Variants in AGMO observed in about 807,000 individuals in gnomAD.
AGMO encodes the protein alkylglycerol monooxygenase.
In AGMO, 75 loss-of-function variants were observed where a neutral mutation model predicts 60.2. The ratio of observed to expected loss-of-function variants is 1.25; its 90% CI spans 1.03 to 1.51. The LOEUF is 1.51. Among genes scored for constraint, AGMO ranks in the 40% most tolerant of loss-of-function variants. The pLI, the probability that AGMO is intolerant of heterozygous loss-of-function variation, is 0.00. For missense variants in AGMO, 763 were observed against 525.5 expected, an observed-to-expected ratio of 1.45 and a Z score of -4.42; for synonymous variants, 261 against 177.1, an observed-to-expected ratio of 1.47 and a Z score of -3.76.
At position 15,271,125 on chromosome 7, in the gene AGMO, T is replaced by C. The variant is rs572432609; in HGVS notation, c.1264-69766A>G. ...TAAGATGCATCCAGATTTGTTCTTTTTGTTTAGGACTGCTTTGGCTATTTT... is the reference window on the plus strand; with the variant it reads ...TAAGATGCATCCAGATTTGTTCTTTCTGTTTAGGACTGCTTTGGCTATTTT... On this transcript the variant is annotated intron_variant, in intron 12 of 12. Coordinates refer to ENST00000342526, the MANE Select transcript of AGMO (RefSeq NM_001004320.2). 2.2e-3 allele frequency among the ~76,000 whole-genome samples: 339 copies of C among 152,252 alleles called. 1 individual carries two copies. The highest frequency in any genetic ancestry group is 7.7e-3 in the African/African-American group (322 of 41,566).
At chr7:15,543,849 G>A (rs951475293) in intron 3 of AGMO, among the ~76,000 whole-genome samples, 11 of 151,050 alleles carry the variant, frequency 7.3e-5, no homozygotes, top group Non-Finnish European at 8.9e-5. Context: ...ATCAAATGGT[G>A]GATCTACTTT....
the AGMO span, among the ~76,000 whole-genome samples, chr7:15,165,685 GTTAC>G: frequency 1.3e-5 from 2 of 152,024 alleles, no homozygotes; most frequent in African/African-American, 2.4e-5. Context: ...TTTCCATTAT[GTTAC>G]TTAAATGAAT....
At chr7:15,194,113 T>C in the AGMO span, among the ~76,000 whole-genome samples, 6 of 152,054 alleles carry the variant, frequency 3.9e-5, no homozygotes, top group African/African-American at 1.2e-4. Context: ...AAAACAAATA[T>C]AATTTTATTT....
chr7:15,289,889 C>T (rs1375368924), intron 12 of AGMO, among the ~76,000 whole-genome samples: 5 of 143,360 alleles, frequency 3.5e-5, no homozygotes, highest in Non-Finnish European at 6.0e-5. Flanking sequence ...TAATTTTTCA[C>T]TTTTGAGTGG....
In AGMO at chr7:15,496,095, G is replaced by C. The variant is rs548754124; in HGVS notation, c.409+48677C>G. ...AACACATTAAAGAGGCAATAGTCTT[G>C]GATATAGATTTGCACAGCTTGGGTG... On this transcript the variant is annotated intron_variant, in intron 3 of 12. Transcript: ENST00000342526. 2.1e-3 allele frequency among the ~76,000 whole-genome samples: 324 copies of C among 152,160 alleles called. 1 individual carries two copies. Among genetic ancestry groups the C allele is most frequent in the Non-Finnish European group, 3.8e-3 (259 of 68,008 alleles).
At chr7:15,485,876 G>C (rs757679139) in intron 3 of AGMO, among the ~76,000 whole-genome samples, 20 of 151,686 alleles carry the variant, frequency 1.3e-4, no homozygotes, top group Non-Finnish European at 2.4e-4. Flanking sequence ...ACCTTATTTG[G>C]GGTTCCAAGA....
chr7:15,547,673 G>C (rs918067879), intron 2 of AGMO, among the ~76,000 whole-genome samples: 1 of 152,056 alleles, frequency 6.6e-6, no homozygotes, highest in African/African-American at 2.4e-5. Context: ...CTACGCCCAC[G>C]GAGTCTCGCT....
intron 12 of AGMO, among the ~76,000 whole-genome samples, chr7:15,337,656 A>G (rs1781704954): frequency 6.6e-6 from 1 of 152,188 alleles, no homozygotes; most frequent in African/African-American, 2.4e-5. Context: ...GCTCACCCTC[A>G]ACAATCCTAA....
At chr7:15,540,176 T>C (rs185819791) in intron 3 of AGMO, among the ~76,000 whole-genome samples, 524 of 151,942 alleles carry the variant, frequency 3.4e-3, no homozygotes, top group Non-Finnish European at 5.3e-3. Flanking sequence ...TTTAGAAGAG[T>C]CCCACACATG....
chr7:15,120,197 C>T, the AGMO span, among the ~76,000 whole-genome samples: 1 of 151,956 alleles, frequency 6.6e-6, no homozygotes, highest in Admixed American at 6.6e-5. Flanking sequence ...TCCTTTTCTC[C>T]CATTCTCTTT....
intron 5 of AGMO, among the ~76,000 whole-genome samples, chr7:15,401,625 G>T (rs1784554383): frequency 6.6e-6 from 1 of 152,032 alleles, no homozygotes; most frequent in Admixed American, 6.6e-5. Context: ...AAAAGTCATA[G>T]GAATATTTAT....
rs547266668 is a variant in AGMO at position 15,459,081 on chromosome 7, T to C, written c.410-27973A>G. On this transcript the variant is annotated intron_variant, in intron 3 of 12. Transcript: ENST00000342526. ...CTGCCCACATACAAATGTCCTATTT[T>C]AAACTATATCACAAACATTTAAGAA... Among the ~76,000 whole-genome samples, 6 of 152,328 alleles carry C rather than the reference T, an allele frequency of 3.9e-5. No homozygotes were observed. The South Asian group carries it at 1.2e-3, about 32-fold the overall frequency.
intron 3 of AGMO, among the ~76,000 whole-genome samples, chr7:15,524,135 A>G (rs1279550578): frequency 6.6e-6 from 1 of 152,050 alleles, no homozygotes; most frequent in South Asian, 2.1e-4. Context: ...ATGTTAGACA[A>G]TAGAAGTATA....
intron 12 of AGMO, among the ~76,000 whole-genome samples, chr7:15,208,974 T>TG (rs1781508584): frequency 6.6e-6 from 1 of 152,222 alleles, no homozygotes; most frequent in African/African-American, 2.4e-5. Context: ...CTTTTATTAC[T>TG]GACCACTAAA....
rs71004387 is a variant in AGMO at position 15,493,365 on chromosome 7, CTTTTTTTTTTTT to C, written c.409+51395_409+51406del. The stretch of plus-strand genomic sequence containing the variant: ...CACACACACACACACACACACACTT[CTTTTTTTTTTTT>C]TTTTTTTTTTTTTTGAGACGGAGTC... On this transcript the variant is annotated intron_variant, in intron 3 of 12. Transcript: ENST00000342526. Among the ~76,000 whole-genome samples the C allele has an allele frequency of 2.0e-4, 13 of 66,654 alleles. 1 individual carries two copies. The highest frequency in any genetic ancestry group is 8.0e-4 in the African/African-American group (12 of 15,078). 43.7% of individuals were successfully genotyped at this position (66,654 alleles called of 152,430 possible).
chr7:15,517,063 G>T (rs1053001199), intron 3 of AGMO, among the ~76,000 whole-genome samples: 1 of 151,756 alleles, frequency 6.6e-6, no homozygotes, highest in African/African-American at 2.4e-5. Context: ...ACTTTTAAAA[G>T]ATGAAGAGCT....
At chr7:15,400,274 A>AC (rs200591003) in intron 5 of AGMO, among the ~76,000 whole-genome samples, 447 of 151,644 alleles carry the variant, frequency 2.9e-3, no homozygotes, top group East Asian at 8.9e-3. Context: ...GATTATCACC[A>AC]CCCCCCCAAG....
At chr7:15,327,691 G>C (rs553485145) in intron 12 of AGMO, among the ~76,000 whole-genome samples, 4 of 151,680 alleles carry the variant, frequency 2.6e-5, no homozygotes, top group East Asian at 1.9e-4. Flanking sequence ...AAGCCCTGAG[G>C]GGGAGAGAAA....
At chr7:15,397,332 C>T (rs1357099054) in intron 5 of AGMO, among the ~76,000 whole-genome samples, 1 of 151,728 alleles carries the variant, frequency 6.6e-6, no homozygotes, top group African/African-American at 2.4e-5. Flanking sequence ...CCGCCCGGAA[C>T]CCGAGCCGGC....
Sources: gnomAD v4.1 joint callset for allele counts (sites outside exome capture counted in the v4.1 genomes callset) on GRCh38, gnomAD v4.1.1 for gene constraint, MANE v1.5 for transcripts, NCBI Gene and HGNC (gene_info 2026-07-23, HGNC 2026-07-21) for gene names.